Variants in PLCL1 observed in about 807,000 individuals in gnomAD.
PLCL1 encodes inactive phospholipase C-like protein 1.
In PLCL1, 41 loss-of-function variants were observed where a neutral mutation model predicts 84.4. That is an observed-to-expected ratio of 0.49 (90% CI 0.38 to 0.63). PLCL1 has a LOEUF of 0.63. Among genes scored for constraint, PLCL1 ranks in the 30% least tolerant of loss-of-function variants. The pLI, the probability that PLCL1 is intolerant of heterozygous loss-of-function variation, is 0.00. For synonymous variants in PLCL1, 490 were observed against 488.3 expected, an observed-to-expected ratio of 1.00 and a Z score of -0.05; for missense variants, 1,206 against 1,367.8, an observed-to-expected ratio of 0.88 and a Z score of 1.87.
intron 1 of PLCL1, among the ~76,000 whole-genome samples, chr2:197,836,438 C>A (rs1272340986): frequency 4.5e-5 from 5 of 110,692 alleles, no homozygotes; most frequent in African/African-American, 1.4e-4. Context: ...CAGAGCGAGA[C>A]TCCGTCTCAA....
intron 5 of PLCL1, among the ~76,000 whole-genome samples, chr2:198,140,487 T>G (rs766257412): frequency 1.4e-4 from 22 of 152,166 alleles, no homozygotes; most frequent in Non-Finnish European, 2.9e-4. Context: ...TTCTTCAACA[T>G]TCAAGTTAAC....
intron 1 of PLCL1, among the ~76,000 whole-genome samples, chr2:197,901,991 A>G (rs1688276763): frequency 6.6e-6 from 1 of 152,234 alleles, no homozygotes; most frequent in South Asian, 2.1e-4. Context: ...ATCTATGCAC[A>G]TGAAATGCAG....
At chr2:197,863,102 C>G (rs1394571472) in intron 1 of PLCL1, among the ~76,000 whole-genome samples, 1 of 150,180 alleles carries the variant, frequency 6.7e-6, no homozygotes, top group East Asian at 1.9e-4. Context: ...GTATTTTGCT[C>G]TCGGAACTCT....
intron 1 of PLCL1, among the ~76,000 whole-genome samples, chr2:197,812,018 A>G (rs947947112): frequency 6.6e-6 from 1 of 152,046 alleles, no homozygotes; most frequent in East Asian, 1.9e-4. Flanking sequence ...CTTTGTGTTC[A>G]TGTGTATTTA....
At chr2:197,896,476 C>A (rs1159602922) in intron 1 of PLCL1, among the ~76,000 whole-genome samples, 1 of 151,912 alleles carries the variant, frequency 6.6e-6, no homozygotes, top group Non-Finnish European at 1.5e-5. Flanking sequence ...TTTTTCCAAT[C>A]TGGAATCATA....
intron 1 of PLCL1, among the ~76,000 whole-genome samples, chr2:198,065,383 C>T (rs985672380): frequency 2.0e-5 from 3 of 152,112 alleles, no homozygotes; most frequent in Non-Finnish European, 2.9e-5. Flanking sequence ...GAATTCTCTC[C>T]ACCAATTGCT....
At chr2:197,829,064 A>G (rs538306008) in intron 1 of PLCL1, among the ~76,000 whole-genome samples, 7 of 152,340 alleles carry the variant, frequency 4.6e-5, no homozygotes, top group African/African-American at 1.7e-4. Flanking sequence ...CATGCAGTCA[A>G]ATTTGCATTC....
intron 1 of PLCL1, among the ~76,000 whole-genome samples, chr2:198,028,095 C>A (rs1691316525): frequency 6.6e-6 from 1 of 152,162 alleles, no homozygotes; most frequent in Non-Finnish European, 1.5e-5. Context: ...CCCATCTCAG[C>A]CTCCCAAAGT....
chr2:197,996,514 A>G (rs898346448), intron 1 of PLCL1, among the ~76,000 whole-genome samples: 11 of 152,190 alleles, frequency 7.2e-5, no homozygotes, highest in Non-Finnish European at 1.0e-4. Flanking sequence ...CAAGAGGTTA[A>G]TAATAGGAGA....
chr2:197,960,552 C>A (rs1291465663), intron 1 of PLCL1, among the ~76,000 whole-genome samples: 1 of 152,034 alleles, frequency 6.6e-6, no homozygotes, highest in Non-Finnish European at 1.5e-5. Flanking sequence ...AGCCATACTG[C>A]AAATACATTT....
At chr2:198,134,544 A>C (rs188428138) in intron 5 of PLCL1, among the ~76,000 whole-genome samples, 64 of 152,320 alleles carry the variant, frequency 4.2e-4, no homozygotes, top group Middle Eastern at 3.4e-3. Context: ...TCATGCCAGC[A>C]TAGAAGGGTG....
At chr2:197,942,176 T>C (rs1054252983) in intron 1 of PLCL1, among the ~76,000 whole-genome samples, 1 of 152,232 alleles carries the variant, frequency 6.6e-6, no homozygotes, top group East Asian at 1.9e-4. Context: ...TCATTGTCTT[T>C]CTTTGAATTT....
chr2:198,136,493 G>C (rs1694258719), intron 5 of PLCL1, among the ~76,000 whole-genome samples: 4 of 152,072 alleles, frequency 2.6e-5, no homozygotes, highest in Admixed American at 2.6e-4. Flanking sequence ...AAAGTCTCTA[G>C]TCTAGAGACT....
rs150862300 is a variant in PLCL1, at chr2:197,975,362, C to T, written c.241-108396C>T. Among the ~76,000 whole-genome samples, 218 of 152,242 alleles carry T rather than the reference C, an allele frequency of 1.4e-3. 1 individual carries two copies. Among genetic ancestry groups the T allele is most frequent in the African/African-American group, 4.6e-3 (193 of 41,544 alleles). The stretch of plus-strand genomic sequence containing the variant: ...ATTACAAAATCAGGCCTAGGGTCTG[C>T]TTGCTTCTGAAAGCATCTACAATTT... On this transcript the variant is annotated intron_variant, in intron 1 of 5. Coordinates refer to ENST00000428675, the MANE Select transcript of PLCL1 (RefSeq NM_006226.4).
chr2:198,101,510 CT>C (rs2105912269), intron 4 of PLCL1, 150 bp downstream of exon 4: 1 of 597,168 alleles, frequency 1.7e-6, no homozygotes, highest in South Asian at 2.1e-5. Context: ...TTAAGTTACA[CT>C]TTAGTCTTTG....
At chr2:198,116,951 T>A (rs1326291393) in intron 5 of PLCL1, among the ~76,000 whole-genome samples, 1 of 151,942 alleles carries the variant, frequency 6.6e-6, no homozygotes, top group Non-Finnish European at 1.5e-5. Flanking sequence ...GTTCTTAAAT[T>A]GCTTTACAAT....
intron 1 of PLCL1, among the ~76,000 whole-genome samples, chr2:198,054,289 TAA>T (rs1692011568): frequency 6.6e-6 from 1 of 152,244 alleles, no homozygotes; most frequent in Non-Finnish European, 1.5e-5. Context: ...AGAAAATCAA[TAA>T]GTGTTGGACT....
At chr2:198,007,186 A>G (rs1340755809) in intron 1 of PLCL1, among the ~76,000 whole-genome samples, 1 of 152,250 alleles carries the variant, frequency 6.6e-6, no homozygotes, top group Admixed American at 6.5e-5. Flanking sequence ...AGAAGAAGCT[A>G]TAATATGCAC....
intron 1 of PLCL1, among the ~76,000 whole-genome samples, chr2:198,041,398 G>GTT (rs5837578): frequency 3.0e-4 from 45 of 151,910 alleles, no homozygotes; most frequent in African/African-American, 6.0e-4. Context: ...CAACCACAGT[G>GTT]TTTTTTTTGT....
Sources: allele counts gnomAD v4.1 joint callset (sites outside exome capture counted in the v4.1 genomes callset), GRCh38; gene constraint gnomAD v4.1.1; transcripts MANE v1.5; gene names NCBI Gene and HGNC (gene_info 2026-07-23, HGNC 2026-07-21).